The following BRD1 variants were observed in gnomAD, a reference collection of about 807,000 sequenced individuals.
The protein encoded by BRD1 is bromodomain-containing protein 1.
Under a neutral mutation model 107.7 loss-of-function variants are expected in BRD1, and 24 were observed. That is an observed-to-expected ratio of 0.22 (90% CI 0.16 to 0.31). The LOEUF is 0.31. Ranked by LOEUF, BRD1 falls within the 10% of genes least tolerant of loss-of-function variation. The pLI is 1.00. For missense variants in BRD1, 1,279 were observed against 1,638.6 expected (o/e 0.78, Z 3.79); for synonymous variants, 744 against 686.1 (o/e 1.08, Z -1.32).
Position 49,798,715 on chromosome 22 carries a change from T to C in BRD1, c.1657-29A>G, listed in dbSNP as rs758145699. The C allele has an allele frequency of 2.6e-6, 4 of 1,558,828 alleles. No individual in the cohort carries two copies. The Admixed American group carries it at 7.5e-5, about 29-fold the overall frequency. ...GGGGGGCCCAGCAGAGCCTCAGCTT[T>C]AGGGAGCCGCACATGCGTCTCAGCC... On this transcript the variant is annotated intron_variant, in intron 4 of 12. Transcript: ENST00000404760.
chr22:49,824,438 ATCAAAGCAAAAC>A lies in BRD1; in HGVS notation c.-14-119_-14-108del. On this transcript the variant is annotated intron_variant, in intron 1 of 12. Transcript: ENST00000404760. The surrounding 1 kb of genome is among the most constrained non-coding windows in gnomAD (Gnocchi z 5.9). ...ATCTAGCTCAGCAGCTCAAAGCCCA[ATCAAAGCAAAAC>A]TCACAGCTAACCTCTTTCCAAGGTG... 1 of 1,482,574 alleles carries A rather than the reference ATCAAAGCAAAAC, an allele frequency of 6.7e-7. No homozygotes were observed. The highest frequency in any genetic ancestry group is 2.4e-5 in the East Asian group (1 of 42,080). The allele number at this position is 1,482,574 out of a possible 1,614,324, so 91.8% of individuals were successfully genotyped here. A position where few individuals can be genotyped will look rare whatever the true frequency, so the allele number is the denominator to read the frequency against.
chr22:49,825,040 C>T (rs1232191043), intron 1 of BRD1, among the ~76,000 whole-genome samples: 3 of 152,242 alleles, frequency 2.0e-5, no homozygotes, highest in East Asian at 1.9e-4. Context: ...GCCCCAACCC[C>T]GCTTCTGCAG....
At chr22:49,827,436 G>A (rs1265822903) in intron 1 of BRD1, 61 bp downstream of exon 1, 1 of 145,234 alleles carries the variant, frequency 6.9e-6, no homozygotes, top group Admixed American at 6.8e-5. Flanking sequence ...GGCGGCGGCG[G>A]CGGCCGGGCG....
In BRD1 at chr22:49,783,737, AG is replaced by A. The variant is rs2059261940; in HGVS notation, c.2857+3652del. Among the ~76,000 whole-genome samples, 2 of 133,484 alleles carry A rather than the reference AG, an allele frequency of 1.5e-5. No homozygotes were observed. The highest frequency in any genetic ancestry group is 1.5e-4 in the Admixed American group (2 of 13,534). 87.6% of individuals were successfully genotyped at this position (133,484 alleles called of 152,430 possible). ...TTCCCACTGCCGGGCTCTGACTTAC[AG>A]AGGGGGTGGGCTGGGGTGGGGGAGA... On this transcript the variant is annotated intron_variant, in intron 8 of 12. Coordinates refer to ENST00000404760, the MANE Select transcript of BRD1 (RefSeq NM_001304808.3). This position sits in a 1 kb window ranked among gnomAD's most constrained non-coding sequence, Gnocchi z 4.2.
chr22:49,788,641 C>G (rs2059374273), intron 7 of BRD1, among the ~76,000 whole-genome samples: 1 of 152,210 alleles, frequency 6.6e-6, no homozygotes, highest in Non-Finnish European at 1.5e-5. Context: ...TGGGGCTGGT[C>G]TGTGGGGCTC....
intron 11 of BRD1, 70 bp from the exon 12 acceptor site, chr22:49,775,815 A>ACCCACC: frequency 1.8e-6 from 2 of 1,141,502 alleles, no homozygotes; most frequent in Admixed American, 2.9e-5. Context: ...TGTCACTGGC[A>ACCCACC]CCCCCCCCCG....
At chr22:49,806,175 A>C (rs905186974) in intron 2 of BRD1, 1 of 152,176 alleles carries the variant, frequency 6.6e-6, no homozygotes, top group Non-Finnish European at 1.5e-5. Context: ...AGCCAGCCCT[A>C]TCTCTTAAAA....
At chr22:49,786,156 G>C (rs181206455) in intron 8 of BRD1, among the ~76,000 whole-genome samples, 1 of 152,068 alleles carries the variant, frequency 6.6e-6, no homozygotes, top group African/African-American at 2.4e-5. Flanking sequence ...CCTTATCTAG[G>C]TATAACAGGC....
Position 49,797,987 on chromosome 22 carries a change from A to C in BRD1, c.1916T>G (p.Met639Arg). 6.2e-7 allele frequency: 1 copy of C among 1,614,192 alleles called. No homozygotes were observed. The highest frequency in any genetic ancestry group is 8.5e-7 in the Non-Finnish European group (1 of 1,180,030). ...CACGGTGTCCCTGGCATTGTACTTC[A>C]TGCAGTTATCTATAATGAGATCAAA... ...EDFDLIIDNCMKYNARDTVFY... is the reference protein window; with the variant it reads ...EDFDLIIDNCRKYNARDTVFY... The change falls in exon 6 of 13, where the codon ATG becomes AGG. Residue 639 changes from methionine (M) to arginine (R), a missense_variant. Physicochemically the swap from Met to Arg is moderately conservative, Grantham distance 91 (BLOSUM62 -1). Coordinates refer to ENST00000404760, the MANE Select transcript of BRD1 (RefSeq NM_001304808.3).
chr22:49,823,313 C>T lies in BRD1; in HGVS notation c.1005G>A (p.Val335=), dbSNP rs141495604. 23 of 1,614,058 alleles carry T rather than the reference C, an allele frequency of 1.4e-5. No individual in the cohort carries two copies. The highest frequency in any genetic ancestry group is 1.2e-4 in the South Asian group (11 of 91,092). The change falls in exon 2 of 13, where the codon GTG becomes GTA. Residue 335 remains valine (V), a synonymous_variant. Coordinates refer to ENST00000404760, the MANE Select transcript of BRD1 (RefSeq NM_001304808.3). ...CTTTGTGGCACTGGATGCAGGCACC[C>T]ACGCCCTTCTGCTTACAGAGGTAGC... is the stretch of plus-strand genomic sequence containing the variant. The part of the protein sequence containing the change: ...LTCYLCKQKG[V]GACIQCHKAN...
At chr22:49,782,771 C>G (rs2146984382) in intron 8 of BRD1, among the ~76,000 whole-genome samples, 1 of 121,176 alleles carries the variant, frequency 8.3e-6, no homozygotes, top group South Asian at 3.1e-4. Context: ...GAGACAGACC[C>G]AAAGCCCATC....
At chr22:49,820,471 C>T (rs1166352889) in intron 2 of BRD1, among the ~76,000 whole-genome samples, 1 of 152,126 alleles carries the variant, frequency 6.6e-6, no homozygotes, top group Admixed American at 6.6e-5. Flanking sequence ...CACAGTGGCT[C>T]GTGCCTGTAT....
chr22:49,797,434 G>A (rs1370957769), intron 6 of BRD1, among the ~76,000 whole-genome samples: 1 of 152,128 alleles, frequency 6.6e-6, no homozygotes, highest in Non-Finnish European at 1.5e-5. Context: ...ACCCCATAGG[G>A]AGCCACAGCC....
rs1360178347 is a variant in BRD1, at chr22:49,793,962, T to C, written c.2359+72A>G. 5.2e-6 allele frequency: 8 copies of C among 1,546,342 alleles called. No individual in the cohort carries two copies. In the Admixed American group the frequency reaches 5.5e-5, roughly 11 times the overall value. On this transcript the variant is annotated intron_variant, in intron 7 of 12. Coordinates refer to ENST00000404760, the MANE Select transcript of BRD1 (RefSeq NM_001304808.3). ...ACCAACGCTGCTGCCCGTGTCTGGG[T>C]CTGTGCCTGTGCCTGTGCCTGAGCC... is the stretch of plus-strand genomic sequence containing the variant.
intron 8 of BRD1, among the ~76,000 whole-genome samples, chr22:49,787,096 G>C (rs190624121): frequency 1.1e-3 from 160 of 152,206 alleles, no homozygotes; most frequent in African/African-American, 3.7e-3. Context: ...AAATCAGAGA[G>C]GAAGTATGTG....
intron 2 of BRD1, among the ~76,000 whole-genome samples, chr22:49,809,681 G>C (rs915999384): frequency 6.6e-6 from 1 of 152,090 alleles, no homozygotes; most frequent in African/African-American, 2.4e-5. Context: ...GCTGAACTGA[G>C]GCCAGAGAAA....
At chr22:49,775,829 C>CG (rs2059079518) in intron 11 of BRD1, 84 bp from the exon 12 acceptor site, 26 of 1,153,024 alleles carry the variant, frequency 2.3e-5, no homozygotes, top group East Asian at 3.1e-5. Context: ...CCCCCCGCCT[C>CG]CCCACCCCAG....
At chr22:49,775,356 G>C (rs1358862326) in intron 12 of BRD1, 6 of 348,882 alleles carry the variant, frequency 1.7e-5, no homozygotes, top group Admixed American at 9.5e-5. Context: ...GAGAGGGAGA[G>C]GAAGCCATCG....
In BRD1 at chr22:49,804,301, G is replaced by A; in HGVS notation, c.1427C>T (p.Ala476Val). ...CCGCTTGAGCAGCCAGTAGCTGTGG[G>A]CTCGCTCCACAAACTGCTTCTTCCG... is the stretch of plus-strand genomic sequence containing the variant. Reference protein sequence around the residue: ...IQRKKQFVERAHSYWLLKRLS... With the variant: ...IQRKKQFVERVHSYWLLKRLS... Residue 476 changes from alanine to valine, a missense_variant, in exon 3 of 13, where the codon GCC becomes GTC. Ala to Val is a moderately conservative substitution (Grantham distance 64). Coordinates refer to ENST00000404760, the MANE Select transcript of BRD1 (RefSeq NM_001304808.3). 1.2e-6 allele frequency: 2 copies of A among 1,610,638 alleles called. No individual in the cohort carries two copies. The highest frequency in any genetic ancestry group is 1.1e-5 in the South Asian group (1 of 90,024).
Sources: gnomAD v4.1 joint callset for allele counts (sites outside exome capture counted in the v4.1 genomes callset) on GRCh38, gnomAD v4.1.1 for gene constraint, Gnocchi (gnomAD v3.1) non-coding constraint, MANE v1.5 for transcripts, NCBI Gene and HGNC (gene_info 2026-07-23, HGNC 2026-07-21) for gene names.